CACNA1A: variants seen among roughly 807,000 people sequenced by gnomAD.
CACNA1A encodes the protein calcium voltage-gated channel subunit alpha1 A.
Under a neutral mutation model 262.4 loss-of-function variants are expected in CACNA1A, and 57 were observed. That is an observed-to-expected ratio of 0.22 (90% CI 0.18 to 0.27). The LOEUF (loss-of-function observed/expected upper bound fraction) is 0.27. CACNA1A is among the 10% of genes least tolerant of loss of function. The pLI is 1.00. For synonymous variants in CACNA1A, 1,431 were observed against 1,419.3 expected (o/e 1.01, Z -0.18); for missense variants, 2,526 against 3,562.8 (o/e 0.71, Z 7.41).
chr19:13,207,073 G>C lies in CACNA1A; in HGVS notation c.*240C>G. 1 of 370,626 alleles carries C rather than the reference G, an allele frequency of 2.7e-6. No homozygotes were observed. The highest frequency in any genetic ancestry group is 4.9e-6 in the Non-Finnish European group (1 of 205,418). The allele number at this position is 370,626 out of a possible 1,614,324, so 23.0% of individuals were successfully genotyped here. On this transcript the variant is annotated 3_prime_UTR_variant, in exon 47 of 47. Transcript: ENST00000360228. This position sits in a 1 kb window ranked among gnomAD's most constrained non-coding sequence, Gnocchi z 5.7. ...CCTCCCACCCGAGAGCCCCTGTCGTGGGTGGGGGGATCGGGGCTGGTTGGG... is the reference window on the plus strand; with the variant it reads ...CCTCCCACCCGAGAGCCCCTGTCGTCGGTGGGGGGATCGGGGCTGGTTGGG...
At chr19:13,273,904 C>T (rs2057083832) in intron 24 of CACNA1A, 1 of 130,806 alleles carries the variant, frequency 7.6e-6, no homozygotes, top group Non-Finnish European at 1.6e-5. Context: ...TACTACCATG[C>T]CTGGCTAATT....
chr19:13,418,222 G>A (rs142727888), intron 3 of CACNA1A, among the ~76,000 whole-genome samples: 5 of 152,164 alleles, frequency 3.3e-5, no homozygotes, highest in African/African-American at 1.2e-4. Flanking sequence ...TTAGAACAAT[G>A]GAATGAAGCT....
rs2054850552 is a variant in CACNA1A, at chr19:13,212,457, A to G, written c.6116T>C (p.Phe2039Ser). Residue 2039 changes from phenylalanine (F) to serine (S), a missense_variant, in exon 42 of 47, where the codon TTC (phenylalanine) becomes TCC (serine). By Grantham distance (155) the Phe-to-Ser change is radical. This residue lies in a region of CACNA1A where 929 missense variants were observed against 868.1 expected (regional missense o/e 1.07). Coordinates refer to ENST00000360228, the MANE Select transcript of CACNA1A (RefSeq NM_001127222.2). This position sits in a 1 kb window ranked among gnomAD's most constrained non-coding sequence, Gnocchi z 5.6. ...SWVTQRAQEMFQKTGTWSPEQ... is the reference protein window; with the variant it reads ...SWVTQRAQEMSQKTGTWSPEQ... ...CGGACTCCATGTGCCCGTCTTCTGG[A>G]ACATCTCCTGGGCACGCTGGGTCAC... 6.2e-7 allele frequency: 1 copy of G among 1,608,902 alleles called. No individual in the cohort carries two copies. The highest frequency in any genetic ancestry group is 2.2e-5 in the East Asian group (1 of 44,726).
chr19:13,502,249 T>C (rs1982469955), intron 1 of CACNA1A, among the ~76,000 whole-genome samples: 1 of 152,014 alleles, frequency 6.6e-6, no homozygotes, highest in South Asian at 2.1e-4. Flanking sequence ...AATGTGACTT[T>C]AGGTGTCTTG....
At chr19:13,388,828 A>G (rs1182549035) in intron 3 of CACNA1A, among the ~76,000 whole-genome samples, 1 of 152,226 alleles carries the variant, frequency 6.6e-6, no homozygotes. Flanking sequence ...GTCTATTTTT[A>G]ACTGACATAA....
In CACNA1A at chr19:13,480,050, C is replaced by A. The variant is rs541685862; in HGVS notation, c.294-24838G>T. Among the ~76,000 whole-genome samples the A allele has an allele frequency of 2.0e-5, 3 of 152,340 alleles. No individual in the cohort carries two copies. The East Asian group carries it at 5.8e-4, about 29-fold the overall frequency. Reference sequence around the variant, plus strand: ...TTTCTAGCTAATCCTTTGCAGAAAACATTTTCTGATCCCCGTACTATAACA... The same window carrying A: ...TTTCTAGCTAATCCTTTGCAGAAAAAATTTTCTGATCCCCGTACTATAACA... On this transcript the variant is annotated intron_variant, in intron 1 of 46. Transcript: ENST00000360228.
chr19:13,233,461 T>C (rs1026152373), intron 34 of CACNA1A, among the ~76,000 whole-genome samples: 1 of 152,196 alleles, frequency 6.6e-6, no homozygotes, highest in African/African-American at 2.4e-5. Flanking sequence ...ACTATCTACC[T>C]CTGTAACTTT....
chr19:13,502,063 T>C (rs1381561414), intron 1 of CACNA1A, among the ~76,000 whole-genome samples: 1 of 151,508 alleles, frequency 6.6e-6, no homozygotes, highest in African/African-American at 2.4e-5. Flanking sequence ...TTCTAGAACA[T>C]TCTATCTCTC....
In CACNA1A at chr19:13,317,228, C is replaced by T. The variant is rs761827501; in HGVS notation, c.1439G>A (p.Arg480His). 8.1e-6 allele frequency: 13 copies of T among 1,613,520 alleles called. No individual in the cohort carries two copies. Among genetic ancestry groups the T allele is most frequent in the Admixed American group, 1.7e-5 (1 of 59,978 alleles). The change falls in exon 11 of 47, where the codon CGC becomes CAC. Residue 480 changes from arginine (R) to histidine (H), a missense_variant. Transcript: ENST00000360228. The stretch of plus-strand genomic sequence containing the variant: ...GAAGGCCTGAGTTTTGACCATGCGG[C>T]GGATGTAGAAACGCATCCTCCTCTC... ...KKERRMRFYIRRMVKTQAFYW... is the reference protein window; with the variant it reads ...KKERRMRFYIHRMVKTQAFYW...
At chr19:13,472,652 C>T (rs1463667761) in intron 1 of CACNA1A, among the ~76,000 whole-genome samples, 2 of 152,232 alleles carry the variant, frequency 1.3e-5, no homozygotes, top group African/African-American at 4.8e-5. Flanking sequence ...TGTTCACACT[C>T]TGCTCTGTGC....
chr19:13,386,979 TCTCA>T lies in CACNA1A; in HGVS notation c.540-15204_540-15201del, dbSNP rs1380560171. On this transcript the variant is annotated intron_variant, in intron 3 of 46. Coordinates refer to ENST00000360228, the MANE Select transcript of CACNA1A (RefSeq NM_001127222.2). Reference sequence around the variant, plus strand: ...AGACTTCTTTTGTTTTTGAGACAAATCTCACTCTGTCGCCCAGGCTGGAGTTCAG... The same window carrying T: ...AGACTTCTTTTGTTTTTGAGACAAATCTCTGTCGCCCAGGCTGGAGTTCAG... 2.6e-5 allele frequency among the ~76,000 whole-genome samples: 4 copies of T among 151,910 alleles called. No homozygotes were observed. In the East Asian group the frequency reaches 7.8e-4, roughly 30 times the overall value.
Position 13,214,422 on chromosome 19 carries a change from ACT to A in CACNA1A, c.5839+77_5839+78del. 10 of 1,539,446 alleles carry A rather than the reference ACT, an allele frequency of 6.5e-6. No individual in the cohort carries two copies. Among genetic ancestry groups the A allele is most frequent in the Non-Finnish European group, 8.9e-6 (10 of 1,118,872 alleles). On this transcript the variant is annotated intron_variant, in intron 39 of 46. Transcript: ENST00000360228. The surrounding 1 kb of genome is among the most constrained non-coding windows in gnomAD (Gnocchi z 4.1). ...CCTGTGTATACCAGCCCAGGCCAACACTCTCCCCAGGCCTCCCCTTTCCCTCC... is the reference window on the plus strand; with the variant it reads ...CCTGTGTATACCAGCCCAGGCCAACACTCCCCAGGCCTCCCCTTTCCCTCC...
intron 30 of CACNA1A, among the ~76,000 whole-genome samples, chr19:13,247,694 C>T (rs116842158): frequency 0.02 from 2,152 of 108,370 alleles, 14 homozygotes; most frequent in African/African-American, 0.023. Context: ...AGCGAGACTC[C>T]GTCAAAAATA....
chr19:13,266,164 C>G (rs1255629957), intron 24 of CACNA1A, among the ~76,000 whole-genome samples: 1 of 151,986 alleles, frequency 6.6e-6, no homozygotes, highest in African/African-American at 2.4e-5. Flanking sequence ...TTTGCAGTTG[C>G]AGATTTATCT....
intron 1 of CACNA1A, among the ~76,000 whole-genome samples, chr19:13,491,039 C>T (rs1366538246): frequency 6.6e-6 from 1 of 152,122 alleles, no homozygotes; most frequent in Non-Finnish European, 1.5e-5. Context: ...GAAACCTAGT[C>T]CTAGTTGAGC....
chr19:13,225,116 G>C (rs539647658), intron 37 of CACNA1A: 1 of 242,324 alleles, frequency 4.1e-6, no homozygotes, highest in African/African-American at 2.3e-5. Context: ...TGACCCCAAA[G>C]AAAAAGAGCA....
chr19:13,440,630 T>C (rs1236012447), intron 3 of CACNA1A, among the ~76,000 whole-genome samples: 2 of 152,198 alleles, frequency 1.3e-5, no homozygotes, highest in Non-Finnish European at 2.9e-5. Flanking sequence ...TTGAGGTAGG[T>C]GCAATTATTA....
chr19:13,361,819 G>C (rs1221027556), intron 5 of CACNA1A, among the ~76,000 whole-genome samples: 1 of 152,186 alleles, frequency 6.6e-6, no homozygotes, highest in Non-Finnish European at 1.5e-5. Flanking sequence ...GCTCAGGGCA[G>C]AGAACAAAAT....
Position 13,241,399 on chromosome 19 carries a change from G to A in CACNA1A, c.4950+3783C>T. On this transcript the variant is annotated intron_variant, in intron 31 of 46. Transcript: ENST00000360228. The surrounding 1 kb of genome is among the most constrained non-coding windows in gnomAD (Gnocchi z 4.0). Reference sequence around the variant, plus strand: ...ACAGACAGACAGAGGAGAGCGGAGGGTTGAGGAGAGCGTCAGGCATCCCAC... The same window carrying A: ...ACAGACAGACAGAGGAGAGCGGAGGATTGAGGAGAGCGTCAGGCATCCCAC... 1.4e-6 allele frequency: 1 copy of A among 721,890 alleles called. No homozygotes were observed. Among genetic ancestry groups the A allele is most frequent in the Non-Finnish European group, 2.5e-6 (1 of 403,008 alleles). The allele number at this position is 721,890 out of a possible 1,614,324, so 44.7% of individuals were successfully genotyped here. A position where few individuals can be genotyped will look rare whatever the true frequency, so the allele number is the denominator to read the frequency against.
Sources: allele counts gnomAD v4.1 joint callset (sites outside exome capture counted in the v4.1 genomes callset), GRCh38; gene constraint gnomAD v4.1.1; regional missense constraint gnomAD v4.1.1; non-coding constraint Gnocchi (gnomAD v3.1); transcripts MANE v1.5; gene names NCBI Gene and HGNC (gene_info 2026-07-23, HGNC 2026-07-21).